Variants in ZC3H14 observed in about 807,000 individuals in gnomAD.
ZC3H14 encodes zinc finger CCCH domain-containing protein 14.
A neutral mutation model predicts 92.4 loss-of-function variants in ZC3H14; 31 were observed. The ratio of observed to expected loss-of-function variants is 0.34; its 90% CI spans 0.25 to 0.45. The LOEUF (loss-of-function observed/expected upper bound fraction) is 0.45. Among genes scored for constraint, ZC3H14 ranks in the 20% least tolerant of loss-of-function variants. The probability of loss-of-function intolerance (pLI) is 1.00; values close to 1 mark genes in which losing one functional copy is unlikely to be tolerated. For missense variants in ZC3H14, 781 were observed against 897.3 expected, an observed-to-expected ratio of 0.87 and a Z score of 1.66; for synonymous variants, 321 against 300.9, an observed-to-expected ratio of 1.07 and a Z score of -0.69.
chr14:88,567,260 C>T lies in ZC3H14; in HGVS notation c.80-779C>T, dbSNP rs188212292. 7.0e-4 allele frequency among the ~76,000 whole-genome samples: 106 copies of T among 151,510 alleles called. 2 individuals carry two copies. The East Asian group carries it at 0.018, about 25-fold the overall frequency. On this transcript the variant is annotated intron_variant, in intron 2 of 16. Transcript: ENST00000251038. ...CCTCCCGAGTAGCTGAGACTATAGGCGCTCACCACCACACCCGGCTAATTT... is the reference window on the plus strand; with the variant it reads ...CCTCCCGAGTAGCTGAGACTATAGGTGCTCACCACCACACCCGGCTAATTT...
At position 88,572,774 on chromosome 14, in the gene ZC3H14, C is replaced by A. The variant is rs149069195; in HGVS notation, c.628C>A (p.Pro210Thr). ...GACACTTACATATGGTTCTTCTCGC[C>A]CTTCTATTGAAATTTATCGACCACC... ...TVTLTYGSSR[P>T]SIEIYRPPAS... The change falls in exon 6 of 17, where the codon CCT becomes ACT. Residue 210 changes from proline (P) to threonine (T), a missense_variant. Physicochemically the swap from Pro to Thr is conservative, Grantham distance 38 (BLOSUM62 -1). Coordinates refer to ENST00000251038, the MANE Select transcript of ZC3H14 (RefSeq NM_024824.5). 1.2e-6 allele frequency: 2 copies of A among 1,614,016 alleles called. No homozygotes were observed. The highest frequency in any genetic ancestry group is 2.7e-5 in the African/African-American group (2 of 74,914).
chr14:88,601,728 GAGA>G (rs1454594821), intron 10 of ZC3H14, among the ~76,000 whole-genome samples, 193 bp from the exon 11 acceptor site: 2 of 152,164 alleles, frequency 1.3e-5, no homozygotes, highest in African/African-American at 4.8e-5. Context: ...TGCCCTACGC[GAGA>G]AGGACTCCTT....
intron 2 of ZC3H14, among the ~76,000 whole-genome samples, chr14:88,566,638 G>A (rs2139475500): frequency 6.6e-6 from 1 of 152,262 alleles, no homozygotes; most frequent in Middle Eastern, 3.4e-3. Flanking sequence ...AAAGAAATTT[G>A]TCACAGCATG....
chr14:88,566,846 G>C (rs1319662046), intron 2 of ZC3H14, among the ~76,000 whole-genome samples: 2 of 151,590 alleles, frequency 1.3e-5, no homozygotes, highest in Admixed American at 6.6e-5. Context: ...CTTGAACCCA[G>C]GAAGCAGAGC....
At chr14:88,603,942 C>T (rs896193999) in intron 12 of ZC3H14, among the ~76,000 whole-genome samples, 6 of 152,102 alleles carry the variant, frequency 3.9e-5, no homozygotes, top group South Asian at 2.1e-4. Context: ...TAATTGGTTG[C>T]GTTTCCTACT....
intron 12 of ZC3H14, among the ~76,000 whole-genome samples, chr14:88,605,426 G>C (rs1269752484): frequency 6.6e-6 from 1 of 152,106 alleles, no homozygotes; most frequent in Non-Finnish European, 1.5e-5. Context: ...CCACCTCCCA[G>C]GCTCAAGTGA....
chr14:88,593,866 A>C (rs889765063), intron 9 of ZC3H14, among the ~76,000 whole-genome samples: 1 of 148,422 alleles, frequency 6.7e-6, no homozygotes, highest in African/African-American at 2.5e-5. Flanking sequence ...ATCAAAATTT[A>C]GTATTTTTGT....
rs1276654110 is a variant in ZC3H14 at position 88,617,329 on chromosome 14, T to G, written c.*5578T>G. 1 of 154,364 alleles carries G rather than the reference T, an allele frequency of 6.5e-6. No individual in the cohort carries two copies. Among genetic ancestry groups the G allele is most frequent in the Non-Finnish European group, 1.4e-5 (1 of 69,566 alleles). The allele number at this position is 154,364 out of a possible 1,614,324, so 9.6% of individuals were successfully genotyped here. A position where few individuals can be genotyped will look rare whatever the true frequency, so the allele number is the denominator to read the frequency against. On this transcript the variant is annotated 3_prime_UTR_variant, in exon 17 of 17. Transcript: ENST00000251038. ...TGCCCGGCTTATTTTGTATTTTTAGTAGAGACAGGGTTTCTCCATGTTGGT... is the reference window on the plus strand; with the variant it reads ...TGCCCGGCTTATTTTGTATTTTTAGGAGAGACAGGGTTTCTCCATGTTGGT...
At chr14:88,568,561 A>C (rs1373159803) in intron 3 of ZC3H14, among the ~76,000 whole-genome samples, 1 of 152,152 alleles carries the variant, frequency 6.6e-6, no homozygotes, top group Non-Finnish European at 1.5e-5. Context: ...TCATGAGAAC[A>C]TCATGGGGGA....
In ZC3H14 at chr14:88,621,379, A is replaced by G. The variant is rs2088891032; in HGVS notation, c.*9628A>G. 1.9e-6 allele frequency: 3 copies of G among 1,553,408 alleles called. No individual in the cohort carries two copies. The highest frequency in any genetic ancestry group is 2.6e-6 in the Non-Finnish European group (3 of 1,133,154). Reference sequence around the variant, plus strand: ...TTCTTCATAATATAAAAATGACCCTATTGACCTGCTTTCAGAGAACTTTTT... The same window carrying G: ...TTCTTCATAATATAAAAATGACCCTGTTGACCTGCTTTCAGAGAACTTTTT... On this transcript the variant is annotated 3_prime_UTR_variant, in exon 17 of 17. Transcript: ENST00000251038.
intron 9 of ZC3H14, among the ~76,000 whole-genome samples, chr14:88,584,523 A>G (rs1341268594): frequency 6.6e-6 from 1 of 152,248 alleles, no homozygotes; most frequent in Admixed American, 6.5e-5. Flanking sequence ...GTAAGCAAAC[A>G]TAAAGATGCA....
chr14:88,621,382 G>GA lies in ZC3H14; in HGVS notation c.*9632dup. On this transcript the variant is annotated 3_prime_UTR_variant, in exon 17 of 17. Coordinates refer to ENST00000251038, the MANE Select transcript of ZC3H14 (RefSeq NM_024824.5). The stretch of plus-strand genomic sequence containing the variant: ...TTCATAATATAAAAATGACCCTATT[G>GA]ACCTGCTTTCAGAGAACTTTTTGCT... The GA allele has an allele frequency of 6.5e-7, 1 of 1,550,270 alleles. No individual in the cohort carries two copies. The highest frequency in any genetic ancestry group is 8.8e-7 in the Non-Finnish European group (1 of 1,132,162).
At chr14:88,601,823 A>G in intron 10 of ZC3H14, 101 bp from the exon 11 acceptor site, 1 of 1,380,564 alleles carries the variant, frequency 7.2e-7, no homozygotes, top group Non-Finnish European at 1.0e-6. Flanking sequence ...CTTTGAAATA[A>G]TTTGAATATA....
intron 9 of ZC3H14, among the ~76,000 whole-genome samples, chr14:88,588,741 TGTTA>T (rs2082750104): frequency 6.6e-6 from 1 of 152,190 alleles, no homozygotes; most frequent in South Asian, 2.1e-4. Flanking sequence ...GTGGAAATTC[TGTTA>T]GTTGGATGAT....
Position 88,615,719 on chromosome 14 carries a change from C to T in ZC3H14, c.*3968C>T, listed in dbSNP as rs1005832678. ...TCTGGGCATTTCTCCCTGTTACAGT[C>T]TTGGGTTAGCACCACTTGACCATGC... On this transcript the variant is annotated 3_prime_UTR_variant, in exon 17 of 17. Transcript: ENST00000251038. 6.3e-6 allele frequency: 7 copies of T among 1,111,548 alleles called. No homozygotes were observed. Among genetic ancestry groups the T allele is most frequent in the East Asian group, 2.5e-5 (1 of 39,774 alleles). The allele number at this position is 1,111,548 out of a possible 1,614,324, so 68.9% of individuals were successfully genotyped here.
chr14:88,621,000 C>T lies in ZC3H14; in HGVS notation c.*9249C>T. 6.1e-6 allele frequency: 9 copies of T among 1,469,096 alleles called. No individual in the cohort carries two copies. The highest frequency in any genetic ancestry group is 8.1e-6 in the Non-Finnish European group (9 of 1,111,514). 91.0% of individuals were successfully genotyped at this position (1,469,096 alleles called of 1,614,324 possible). On this transcript the variant is annotated 3_prime_UTR_variant, in exon 17 of 17. Transcript: ENST00000251038. This position sits in a 1 kb window ranked among gnomAD's most constrained non-coding sequence, Gnocchi z 4.3. ...AGTACTTCTAAATTATACCAGTTTCCCCTCAAAATGCTCAACAGAATTCTG... is the reference window on the plus strand; with the variant it reads ...AGTACTTCTAAATTATACCAGTTTCTCCTCAAAATGCTCAACAGAATTCTG...
In ZC3H14 at chr14:88,626,895, T is replaced by C. The variant is rs770155723; in HGVS notation, c.*15144T>C. ...TCCGGGCATCTTCCAGTGTGCTCAG[T>C]AGCCCTTTTTTGCTAAGAAGAGCTC... On this transcript the variant is annotated 3_prime_UTR_variant, in exon 17 of 17. Coordinates refer to ENST00000251038, the MANE Select transcript of ZC3H14 (RefSeq NM_024824.5). 3.1e-6 allele frequency: 5 copies of C among 1,613,862 alleles called. No individual in the cohort carries two copies. The highest frequency in any genetic ancestry group is 1.7e-5 in the Admixed American group (1 of 60,008).
chr14:88,621,348 C>T lies in ZC3H14; in HGVS notation c.*9597C>T, dbSNP rs2088882270. 1 of 1,603,432 alleles carries T rather than the reference C, an allele frequency of 6.2e-7. No individual in the cohort carries two copies. Among genetic ancestry groups the T allele is most frequent in the Non-Finnish European group, 8.5e-7 (1 of 1,171,870 alleles). On this transcript the variant is annotated 3_prime_UTR_variant, in exon 17 of 17. Transcript: ENST00000251038. ...TACAGTGAATGTAATACAACAGCTGCTTTTCTTCTTCATAATATAAAAATG... is the reference window on the plus strand; with the variant it reads ...TACAGTGAATGTAATACAACAGCTGTTTTTCTTCTTCATAATATAAAAATG...
Position 88,584,580 on chromosome 14 carries a change from ATAAT to A in ZC3H14, c.1279+6442_1279+6445del, listed in dbSNP as rs1308494495. Reference sequence around the variant, plus strand: ...CTATAGTACATACTGTACTACTGTAATAATTTTGTAGTTACCTCCTGTTGCTTTA... The same window carrying A: ...CTATAGTACATACTGTACTACTGTAATTTGTAGTTACCTCCTGTTGCTTTA... On this transcript the variant is annotated intron_variant, in intron 9 of 16. Transcript: ENST00000251038. Among the ~76,000 whole-genome samples, 4 of 152,250 alleles carry A rather than the reference ATAAT, an allele frequency of 2.6e-5. No homozygotes were observed. The South Asian group carries it at 6.2e-4, about 24-fold the overall frequency.
Sources: gnomAD v4.1 joint callset for allele counts (sites outside exome capture counted in the v4.1 genomes callset) on GRCh38, gnomAD v4.1.1 for gene constraint, Gnocchi (gnomAD v3.1) non-coding constraint, MANE v1.5 for transcripts, NCBI Gene and HGNC (gene_info 2026-07-23, HGNC 2026-07-21) for gene names.